The following AGAP1 variants were observed in gnomAD, a reference collection of about 807,000 sequenced individuals.
The protein encoded by AGAP1 is ArfGAP with GTPase domain, ankyrin repeat and PH domain 1.
AGAP1 carries 29 observed loss-of-function variants against 105.3 expected under a neutral mutation model. That is an observed-to-expected ratio of 0.28 (90% CI 0.21 to 0.38). The LOEUF is 0.38. Ranked by LOEUF, AGAP1 falls within the 10% of genes least tolerant of loss-of-function variation. The pLI, the probability that AGAP1 is intolerant of heterozygous loss-of-function variation, is 1.00. For missense variants in AGAP1, 998 were observed against 1,165.1 expected (o/e 0.86, Z 2.09); for synonymous variants, 509 against 485.9 (o/e 1.05, Z -0.63).
chr2:235,603,466 G>T (rs976967280), intron 1 of AGAP1, among the ~76,000 whole-genome samples: 5 of 152,202 alleles, frequency 3.3e-5, no homozygotes, highest in Non-Finnish European at 5.9e-5. Context: ...CAGACACCAA[G>T]ATCAGAATGG....
At position 236,092,517 on chromosome 2, in the gene AGAP1, C is replaced by T. The variant is rs1033829259; in HGVS notation, c.2115-27675C>T. The stretch of plus-strand genomic sequence containing the variant: ...AAGCAATTCTCCTGCCTCAGCCTCC[C>T]GAGTAAGCTGGGATTACAGGTGTCC... On this transcript the variant is annotated intron_variant, in intron 16 of 17. Transcript: ENST00000304032. The surrounding 1 kb of genome is among the most constrained non-coding windows in gnomAD (Gnocchi z 4.7). Among the ~76,000 whole-genome samples the T allele has an allele frequency of 2.5e-4, 38 of 152,076 alleles. No individual in the cohort carries two copies. The highest frequency in any genetic ancestry group is 3.4e-4 in the Non-Finnish European group (23 of 68,012).
chr2:236,093,477 G>A lies in AGAP1; in HGVS notation c.2115-26715G>A, dbSNP rs537800262. ...TCTGTAGTAATATTTTGACCCAAAT[G>A]GAATCGGACAAACACAATTGGGGGC... On this transcript the variant is annotated intron_variant, in intron 16 of 17. Transcript: ENST00000304032. Among the ~76,000 whole-genome samples, 10 of 152,248 alleles carry A rather than the reference G, an allele frequency of 6.6e-5. No individual in the cohort carries two copies. The South Asian group carries it at 1.7e-3, about 25-fold the overall frequency.
At chr2:235,876,136 A>G (rs958264148) in intron 9 of AGAP1, among the ~76,000 whole-genome samples, 1 of 151,984 alleles carries the variant, frequency 6.6e-6, no homozygotes, top group African/African-American at 2.4e-5. Context: ...TCTTTACTTC[A>G]TTGTTCTCTA....
rs780704187 is a variant in AGAP1, at chr2:235,641,352, CTT to C, written c.164-67813_164-67812del. ...CCTCCCTCCCTCTCTTCCTTCCTTC[CTT>C]TTTTTTTTTTTTTAAGTGTCCTGGT... On this transcript the variant is annotated intron_variant, in intron 1 of 17. Coordinates refer to ENST00000304032, the MANE Select transcript of AGAP1 (RefSeq NM_001037131.3). Among the ~76,000 whole-genome samples, 81 of 137,190 alleles carry C rather than the reference CTT, an allele frequency of 5.9e-4. 2 individuals carry two copies. Among genetic ancestry groups the C allele is most frequent in the Admixed American group, 9.6e-4 (13 of 13,564 alleles). The allele number at this position is 137,190 out of a possible 152,430, so 90.0% of individuals were successfully genotyped here.
rs181332606 is a variant in AGAP1, at chr2:235,549,167, T to G, written c.163+54318T>G. ...CTGGATTTTATACCTCCTAGTTCTT[T>G]GAGGACAGTTTGCCACGTTCAGCAG... On this transcript the variant is annotated intron_variant, in intron 1 of 17. Transcript: ENST00000304032. The surrounding 1 kb of genome is among the most constrained non-coding windows in gnomAD (Gnocchi z 4.2). 3.2e-4 allele frequency among the ~76,000 whole-genome samples: 48 copies of G among 152,318 alleles called. No homozygotes were observed. The East Asian group carries it at 8.9e-3, about 28-fold the overall frequency.
chr2:235,706,375 C>A (rs1420430080), intron 1 of AGAP1, among the ~76,000 whole-genome samples: 1 of 151,220 alleles, frequency 6.6e-6, no homozygotes, highest in Non-Finnish European at 1.5e-5. Flanking sequence ...CAGGCGCCCG[C>A]CACCACGCCC....
chr2:235,499,499 T>TC (rs1202851719), intron 1 of AGAP1, among the ~76,000 whole-genome samples: 1 of 152,146 alleles, frequency 6.6e-6, no homozygotes, highest in African/African-American at 2.4e-5. Flanking sequence ...AGGTTTGCAG[T>TC]CCCCTCCTTA....
rs1553605459 is a variant in AGAP1 at position 235,686,588 on chromosome 2, C to CATAT, written c.164-22591_164-22590insATAT. Among the ~76,000 whole-genome samples, 148 of 108,506 alleles carry CATAT rather than the reference C, an allele frequency of 1.4e-3. 2 individuals carry two copies. Among genetic ancestry groups the CATAT allele is most frequent in the South Asian group, 0.011 (36 of 3,186 alleles). 71.2% of individuals were successfully genotyped at this position (108,506 alleles called of 152,430 possible). On this transcript the variant is annotated intron_variant, in intron 1 of 17. Coordinates refer to ENST00000304032, the MANE Select transcript of AGAP1 (RefSeq NM_001037131.3). ...ACACACACACACACACACACACACA[C>CATAT]GTGTGTGTGTATATATATACGTGGA...
At chr2:236,060,275 T>G (rs1435008821) in intron 16 of AGAP1, among the ~76,000 whole-genome samples, 1 of 152,240 alleles carries the variant, frequency 6.6e-6, no homozygotes, top group Non-Finnish European at 1.5e-5. Context: ...AATTGAATAT[T>G]AGCCAAATTA....
chr2:235,774,401 G>T (rs551961717), intron 6 of AGAP1: 2 of 470,740 alleles, frequency 4.2e-6, no homozygotes, highest in East Asian at 7.0e-5. Flanking sequence ...TGAGTCTGTC[G>T]GGTTGAGTAC....
intron 16 of AGAP1, among the ~76,000 whole-genome samples, chr2:236,091,882 G>A (rs2059069364): frequency 6.6e-6 from 1 of 152,150 alleles, no homozygotes; most frequent in Non-Finnish European, 1.5e-5. Flanking sequence ...CCCTTCAGTG[G>A]GTGAAAAAGT....
At position 235,740,007 on chromosome 2, in the gene AGAP1, G is replaced by T. The variant is rs2149657153; in HGVS notation, c.311-956G>T. On this transcript the variant is annotated intron_variant, in intron 3 of 17. Transcript: ENST00000304032. This position sits in a 1 kb window ranked among gnomAD's most constrained non-coding sequence, Gnocchi z 5.7. The stretch of plus-strand genomic sequence containing the variant: ...CACAGAGGAGCGGAAGACAAGAGCT[G>T]GGAACCGATGCGTGCCTTCCCTCTT... 6.6e-6 allele frequency among the ~76,000 whole-genome samples: 1 copy of T among 152,290 alleles called. No homozygotes were observed. The highest frequency in any genetic ancestry group is 1.9e-4 in the East Asian group (1 of 5,178).
chr2:235,657,702 A>G (rs2873308), intron 1 of AGAP1, among the ~76,000 whole-genome samples: 42,188 of 151,974 alleles, frequency 0.28, 6,471 homozygotes, highest in African/African-American at 0.39. Context: ...ATTATTCCAT[A>G]ACCATGGTGG....
At chr2:236,066,294 C>G (rs890263406) in intron 16 of AGAP1, among the ~76,000 whole-genome samples, 5 of 152,204 alleles carry the variant, frequency 3.3e-5, no homozygotes, top group African/African-American at 9.6e-5. Context: ...GGCACAATCT[C>G]AGTTCACTGC....
chr2:236,110,704 C>T (rs1229988013), intron 16 of AGAP1, among the ~76,000 whole-genome samples: 1 of 152,198 alleles, frequency 6.6e-6, no homozygotes, highest in Non-Finnish European at 1.5e-5. Context: ...AAATATATGT[C>T]CATGATCAAT....
At chr2:235,878,817 A>C (rs1041963413) in intron 9 of AGAP1, among the ~76,000 whole-genome samples, 4 of 152,212 alleles carry the variant, frequency 2.6e-5, no homozygotes, top group Non-Finnish European at 5.9e-5. Flanking sequence ...TGTGGGGTGC[A>C]GCGGGAAGAT....
At position 235,557,771 on chromosome 2, in the gene AGAP1, G is replaced by C. The variant is rs573308627; in HGVS notation, c.163+62922G>C. 2.6e-5 allele frequency among the ~76,000 whole-genome samples: 4 copies of C among 152,190 alleles called. No homozygotes were observed. Among genetic ancestry groups the C allele is most frequent in the Non-Finnish European group, 5.9e-5 (4 of 68,046 alleles). Reference sequence around the variant, plus strand: ...ATGGCCGTGTGCACCTTCATGGTACGTGCTGGGGTTGTGCCTTATGAAAAC... The same window carrying C: ...ATGGCCGTGTGCACCTTCATGGTACCTGCTGGGGTTGTGCCTTATGAAAAC... On this transcript the variant is annotated intron_variant, in intron 1 of 17. Transcript: ENST00000304032. The surrounding 1 kb of genome is among the most constrained non-coding windows in gnomAD (Gnocchi z 4.7).
rs1404662630 is a variant in AGAP1, at chr2:236,119,823, G to A, written c.2115-369G>A. Reference sequence around the variant, plus strand: ...CCTCACTTGGTAGTTTTCTTTCCAAGGACAGCTTCTACACTAAAAGTGACA... The same window carrying A: ...CCTCACTTGGTAGTTTTCTTTCCAAAGACAGCTTCTACACTAAAAGTGACA... On this transcript the variant is annotated intron_variant, in intron 16 of 17. Coordinates refer to ENST00000304032, the MANE Select transcript of AGAP1 (RefSeq NM_001037131.3). This position sits in a 1 kb window ranked among gnomAD's most constrained non-coding sequence, Gnocchi z 6.6. Among the ~76,000 whole-genome samples the A allele has an allele frequency of 2.6e-5, 4 of 152,122 alleles. No individual in the cohort carries two copies. Among genetic ancestry groups the A allele is most frequent in the Non-Finnish European group, 5.9e-5 (4 of 68,038 alleles).
chr2:235,771,561 G>A (rs1164845985), intron 6 of AGAP1, among the ~76,000 whole-genome samples: 1 of 152,208 alleles, frequency 6.6e-6, no homozygotes, highest in African/African-American at 2.4e-5. Context: ...CGTGACTTGA[G>A]AGCTCCATCT....
Sources: allele counts gnomAD v4.1 joint callset (sites outside exome capture counted in the v4.1 genomes callset), GRCh38; gene constraint gnomAD v4.1.1; non-coding constraint Gnocchi (gnomAD v3.1); transcripts MANE v1.5; gene names NCBI Gene and HGNC (gene_info 2026-07-23, HGNC 2026-07-21).